Variants in CNIH3 observed in about 807,000 individuals in gnomAD.
CNIH3 encodes the protein cornichon family AMPA receptor auxiliary protein 3.
CNIH3 carries 14 observed loss-of-function variants against 24.1 expected under a neutral mutation model. The observed-to-expected ratio is 0.58, with a 90% CI of 0.38 to 0.91. CNIH3 has a LOEUF of 0.91. Ranked by LOEUF, CNIH3 falls within the 40% of genes least tolerant of loss-of-function variation. CNIH3 has a pLI of 0.00. For missense variants in CNIH3, 178 were observed against 196.8 expected (o/e 0.90, Z 0.57); for synonymous variants, 68 against 73.8 (o/e 0.92, Z 0.40).
chr1:224,550,606 C>T (rs1438709372), intron 3 of CNIH3, among the ~76,000 whole-genome samples: 2 of 152,038 alleles, frequency 1.3e-5, no homozygotes, highest in Non-Finnish European at 2.9e-5. Flanking sequence ...AGTGGGCAAA[C>T]ACTGAACGTT....
intron 1 of CNIH3, among the ~76,000 whole-genome samples, chr1:224,470,202 T>C (rs963628857): frequency 5.3e-5 from 8 of 151,958 alleles, no homozygotes; most frequent in Non-Finnish European, 1.2e-4. Flanking sequence ...GTATTTTTAG[T>C]AGAGACGGGG....
intron 1 of CNIH3, among the ~76,000 whole-genome samples, chr1:224,453,961 C>T (rs1330415816): frequency 2.6e-5 from 4 of 152,036 alleles, no homozygotes; most frequent in South Asian, 2.1e-4. Context: ...CAAAAGATTG[C>T]GCATTAAGAA....
intron 2 of CNIH3, among the ~76,000 whole-genome samples, chr1:224,682,702 G>A (rs1175609747): frequency 2.0e-5 from 3 of 152,182 alleles, no homozygotes; most frequent in African/African-American, 4.8e-5. Context: ...AACATTACAC[G>A]CCTGGCCTGT....
chr1:224,466,584 G>A (rs1005460030), intron 1 of CNIH3, among the ~76,000 whole-genome samples: 6 of 152,136 alleles, frequency 3.9e-5, no homozygotes, highest in African/African-American at 1.2e-4. Flanking sequence ...ATTGCAGAGC[G>A]CATATAGGTT....
intron 2 of CNIH3, among the ~76,000 whole-genome samples, chr1:224,534,390 G>A (rs973746062): frequency 6.6e-6 from 1 of 152,204 alleles, no homozygotes; most frequent in Non-Finnish European, 1.5e-5. Context: ...TCATCAAAAT[G>A]CTGGGAGTTG....
chr1:224,645,129 C>T lies in CNIH3; in HGVS notation c.81+27874C>T, dbSNP rs567690988. Among the ~76,000 whole-genome samples the T allele has an allele frequency of 8.4e-4, 128 of 152,316 alleles. No homozygotes were observed. The Middle Eastern group carries it at 0.014, about 16-fold the overall frequency. On this transcript the variant is annotated intron_variant, in intron 1 of 5. Transcript: ENST00000272133. ...TCAGTTTTACAGATGCAGAAATACA[C>T]AAGAGGGAGTCAGGTCTCTACCAAG... is the stretch of plus-strand genomic sequence containing the variant.
At chr1:224,739,280 C>G (rs774778405) in intron 5 of CNIH3, 49 bp from the exon 6 acceptor site, 3 of 1,557,252 alleles carry the variant, frequency 1.9e-6, no homozygotes, top group Non-Finnish European at 2.6e-6. Context: ...TGGGCTTCTA[C>G]TAACACCTTC....
chr1:224,516,312 CAAAAAAAAAAAAAAA>C (rs71574505), intron 1 of CNIH3, among the ~76,000 whole-genome samples: 1 of 67,750 alleles, frequency 1.5e-5, no homozygotes, highest in African/African-American at 4.5e-5. Context: ...GACTCTGTCT[CAAAAAAAAAAAAAAA>C]AAAAAAAAAA....
At chr1:224,676,483 T>C (rs906503666) in intron 1 of CNIH3, among the ~76,000 whole-genome samples, 15 of 152,246 alleles carry the variant, frequency 9.9e-5, no homozygotes, top group Non-Finnish European at 2.2e-4. Context: ...GAGTGAGTTT[T>C]ACTGCATTAA....
At chr1:224,539,857 G>A (rs996155985), downstream of CNIH3, among the ~76,000 whole-genome samples, 1 of 151,894 alleles carries the variant, frequency 6.6e-6, no homozygotes, top group Non-Finnish European at 1.5e-5. Flanking sequence ...TTCTATTCTA[G>A]TACTTCTTCT....
At chr1:224,722,854 TCTC>T (rs1006703723) in intron 3 of CNIH3, among the ~76,000 whole-genome samples, 3 of 152,120 alleles carry the variant, frequency 2.0e-5, no homozygotes, top group Non-Finnish European at 4.4e-5. Flanking sequence ...TTGGTTTCCT[TCTC>T]CTCCAGAAAC....
intron 3 of CNIH3, among the ~76,000 whole-genome samples, chr1:224,594,179 A>G (rs1681879447): frequency 6.6e-6 from 1 of 152,244 alleles, no homozygotes; most frequent in Non-Finnish European, 1.5e-5. Flanking sequence ...AAAACAAAAC[A>G]GAAAAGTGCT....
At chr1:224,568,932 G>A (rs1308981608) in intron 4 of CNIH3, among the ~76,000 whole-genome samples, 1 of 152,036 alleles carries the variant, frequency 6.6e-6, no homozygotes, top group Non-Finnish European at 1.5e-5. Flanking sequence ...AAGTACAATG[G>A]AGCGATCTCG....
At chr1:224,638,312 A>G (rs577659231) in intron 1 of CNIH3, among the ~76,000 whole-genome samples, 172 of 152,334 alleles carry the variant, frequency 1.1e-3, no homozygotes, top group African/African-American at 3.8e-3. Context: ...CCCAAGGGAC[A>G]AGGATGTTGA....
In CNIH3 at chr1:224,703,751, A is replaced by G. The variant is rs1405017549; in HGVS notation, c.198+18908A>G. On this transcript the variant is annotated intron_variant, in intron 3 of 5. Coordinates refer to ENST00000272133, the MANE Select transcript of CNIH3 (RefSeq NM_152495.2). The surrounding 1 kb of genome is among the most constrained non-coding windows in gnomAD (Gnocchi z 4.2). Reference sequence around the variant, plus strand: ...TTCATGAGGCAAAAATATTCCTAGTATTTTTATACATGTGAACATTTCCTG... The same window carrying G: ...TTCATGAGGCAAAAATATTCCTAGTGTTTTTATACATGTGAACATTTCCTG... 6.6e-6 allele frequency among the ~76,000 whole-genome samples: 1 copy of G among 152,142 alleles called. No individual in the cohort carries two copies. The highest frequency in any genetic ancestry group is 1.5e-5 in the Non-Finnish European group (1 of 68,030).
intron 3 of CNIH3, among the ~76,000 whole-genome samples, chr1:224,551,884 T>C (rs1679936934): frequency 1.3e-5 from 2 of 151,134 alleles, no homozygotes; most frequent in African/African-American, 4.9e-5. Flanking sequence ...TTATTTGTAA[T>C]ATCTAAGGGA....
Position 224,662,663 on chromosome 1 carries a change from T to G in CNIH3, c.82-18295T>G, listed in dbSNP as rs1235596030. Reference sequence around the variant, plus strand: ...ACATGAACTTGAAAAAGGCTTGGACTTATATACTTAATTTATGGGTTCCTT... The same window carrying G: ...ACATGAACTTGAAAAAGGCTTGGACGTATATACTTAATTTATGGGTTCCTT... On this transcript the variant is annotated intron_variant, in intron 1 of 5. Coordinates refer to ENST00000272133, the MANE Select transcript of CNIH3 (RefSeq NM_152495.2). Among the ~76,000 whole-genome samples the G allele has an allele frequency of 5.3e-5, 8 of 152,240 alleles. No individual in the cohort carries two copies. In the East Asian group the frequency reaches 1.5e-3, roughly 29 times the overall value.
intron 1 of CNIH3, among the ~76,000 whole-genome samples, chr1:224,444,938 C>A (rs1290457406): frequency 6.6e-6 from 1 of 151,096 alleles, no homozygotes; most frequent in African/African-American, 2.4e-5. Context: ...CCACCACGCC[C>A]GGCCCTTTTT....
intron 1 of CNIH3, among the ~76,000 whole-genome samples, chr1:224,652,338 A>G (rs1160267430): frequency 6.6e-6 from 1 of 152,128 alleles, no homozygotes; most frequent in East Asian, 1.9e-4. Flanking sequence ...TACATTCCAA[A>G]CAGGCTATGG....
Sources: gnomAD v4.1 joint callset for allele counts (sites outside exome capture counted in the v4.1 genomes callset) on GRCh38, gnomAD v4.1.1 for gene constraint, Gnocchi (gnomAD v3.1) non-coding constraint, MANE v1.5 for transcripts, NCBI Gene and HGNC (gene_info 2026-07-23, HGNC 2026-07-21) for gene names.